Variants in FAM13A observed in about 807,000 individuals in gnomAD.
The protein encoded by FAM13A is family with sequence similarity 13 member A.
FAM13A carries 76 observed loss-of-function variants against 129.6 expected under a neutral mutation model. The ratio of observed to expected loss-of-function variants is 0.59; its 90% CI spans 0.49 to 0.71. The LOEUF (loss-of-function observed/expected upper bound fraction) is 0.71. Ranked by LOEUF, FAM13A falls within the 30% of genes least tolerant of loss-of-function variation. The probability of loss-of-function intolerance (pLI) is 0.00; values close to 1 mark genes in which losing one functional copy is unlikely to be tolerated. For missense variants in FAM13A, 1,108 were observed against 1,249.3 expected, an observed-to-expected ratio of 0.89 and a Z score of 1.70; for synonymous variants, 443 against 449.9, an observed-to-expected ratio of 0.98 and a Z score of 0.20.
chr4:88,774,217 G>A (rs774691445), intron 11 of FAM13A, among the ~76,000 whole-genome samples: 2 of 152,058 alleles, frequency 1.3e-5, no homozygotes, highest in African/African-American at 4.8e-5. Context: ...CTACGATATC[G>A]ATCCTTTACC....
chr4:88,922,582 G>GC (rs1751315459), intron 5 of FAM13A, among the ~76,000 whole-genome samples: 1 of 152,016 alleles, frequency 6.6e-6, no homozygotes, highest in Non-Finnish European at 1.5e-5. Context: ...AGCACTAAAT[G>GC]CCCATAAGAG....
chr4:88,939,593 G>T (rs115878948), intron 4 of FAM13A, among the ~76,000 whole-genome samples: 2 of 152,122 alleles, frequency 1.3e-5, no homozygotes, highest in Non-Finnish European at 1.5e-5. Context: ...CTTGGGATAC[G>T]CACCCTAAGG....
chr4:88,992,276 T>C (rs1378131676), intron 3 of FAM13A, among the ~76,000 whole-genome samples: 2 of 149,536 alleles, frequency 1.3e-5, no homozygotes, highest in Non-Finnish European at 3.0e-5. Flanking sequence ...TCTTCTTCTT[T>C]TTTTTTTTTT....
At chr4:89,045,255 T>C (rs557814471) in intron 1 of FAM13A, among the ~76,000 whole-genome samples, 3 of 152,196 alleles carry the variant, frequency 2.0e-5, no homozygotes, top group Admixed American at 6.5e-5. Flanking sequence ...ATTTCAGAAG[T>C]GAAGACTGAA....
chr4:88,740,158 T>C (rs906385299), intron 19 of FAM13A, among the ~76,000 whole-genome samples: 2 of 152,224 alleles, frequency 1.3e-5, no homozygotes, highest in Non-Finnish European at 2.9e-5. Flanking sequence ...CTTTGCTCTT[T>C]TGTTTGGCAA....
intron 2 of FAM13A, 137 bp downstream of exon 2, chr4:89,029,323 A>G: frequency 1.4e-6 from 1 of 720,382 alleles, no homozygotes. Flanking sequence ...TGAAAAGTAT[A>G]TTACACAATA....
chr4:88,843,038 A>G (rs1736079781), intron 7 of FAM13A, among the ~76,000 whole-genome samples: 1 of 152,230 alleles, frequency 6.6e-6, no homozygotes, highest in Non-Finnish European at 1.5e-5. Flanking sequence ...AGTTTATCTA[A>G]GGCCTTGGGA....
chr4:88,828,584 T>C (rs1733399634), intron 7 of FAM13A, among the ~76,000 whole-genome samples: 1 of 152,240 alleles, frequency 6.6e-6, no homozygotes, highest in African/African-American at 2.4e-5. Context: ...CAACAGGAAC[T>C]GTATCTTTCC....
rs142747909 is a variant in FAM13A at position 88,860,946 on chromosome 4, T to C, written c.844-9763A>G. On this transcript the variant is annotated intron_variant, in intron 6 of 23. Coordinates refer to ENST00000264344, the MANE Select transcript of FAM13A (RefSeq NM_014883.4). ...TGAACTAAAGCCATTTCTGTTGTCATATATATAGGTGAACACTTTATTTTA... is the reference window on the plus strand; with the variant it reads ...TGAACTAAAGCCATTTCTGTTGTCACATATATAGGTGAACACTTTATTTTA... 3.4e-4 allele frequency among the ~76,000 whole-genome samples: 52 copies of C among 152,352 alleles called. No homozygotes were observed. In the East Asian group the frequency reaches 3.5e-3, roughly 10 times the overall value.
chr4:88,797,316 T>C (rs1369437233), intron 8 of FAM13A, among the ~76,000 whole-genome samples: 1 of 151,394 alleles, frequency 6.6e-6, no homozygotes, highest in African/African-American at 2.4e-5. Context: ...TCACCCAGGC[T>C]GGAGGGAGTA....
At chr4:88,846,901 C>G (rs1447712221) in intron 7 of FAM13A, among the ~76,000 whole-genome samples, 1 of 152,042 alleles carries the variant, frequency 6.6e-6, no homozygotes, top group Non-Finnish European at 1.5e-5. Context: ...TGGCAAGTAA[C>G]TGCAAATGAA....
chr4:88,726,367 A>ATAAC lies in FAM13A; in HGVS notation c.*2162_*2165dup, dbSNP rs1472796274. 1 of 142,638 alleles carries ATAAC rather than the reference A, an allele frequency of 7.0e-6. No individual in the cohort carries two copies. Among genetic ancestry groups the ATAAC allele is most frequent in the East Asian group, 1.9e-4 (1 of 5,186 alleles). The allele number at this position is 142,638 out of a possible 1,614,324, so 8.8% of individuals were successfully genotyped here. A position where few individuals can be genotyped will look rare whatever the true frequency, so the allele number is the denominator to read the frequency against. On this transcript the variant is annotated 3_prime_UTR_variant, in exon 24 of 24. Coordinates refer to ENST00000264344, the MANE Select transcript of FAM13A (RefSeq NM_014883.4). ...ACATCTCATACACAATTTATTTTAT[A>ATAAC]TAACTTACTTGGTGTTTTCTTTTAT... is the stretch of plus-strand genomic sequence containing the variant.
chr4:88,999,914 T>G (rs1207940239), intron 3 of FAM13A, among the ~76,000 whole-genome samples: 2 of 152,242 alleles, frequency 1.3e-5, no homozygotes, highest in African/African-American at 2.4e-5. Context: ...TTATGTAGAT[T>G]GATTTTCTGT....
intron 5 of FAM13A, among the ~76,000 whole-genome samples, chr4:88,918,604 T>G (rs903253222): frequency 6.6e-6 from 1 of 152,238 alleles, no homozygotes; most frequent in Non-Finnish European, 1.5e-5. Flanking sequence ...AAGCAGGGAA[T>G]CGTAACAAAT....
intron 10 of FAM13A, 89 bp downstream of exon 10, chr4:88,787,664 G>T: frequency 1.7e-6 from 2 of 1,201,532 alleles, no homozygotes; most frequent in South Asian, 1.5e-5. Context: ...GGACCAGGAG[G>T]TATGACTATA....
At chr4:88,844,060 C>T (rs1000342867) in intron 7 of FAM13A, among the ~76,000 whole-genome samples, 2 of 152,184 alleles carry the variant, frequency 1.3e-5, no homozygotes, top group Non-Finnish European at 2.9e-5. Context: ...GGTCAGTGTT[C>T]TCATCTGACG....
chr4:88,743,219 C>T (rs952078749), intron 19 of FAM13A, among the ~76,000 whole-genome samples: 1 of 152,172 alleles, frequency 6.6e-6, no homozygotes, highest in African/African-American at 2.4e-5. Context: ...ACAAAGGGAA[C>T]ACTAGCCAAT....
At chr4:88,850,083 C>G (rs1437798165) in intron 7 of FAM13A, among the ~76,000 whole-genome samples, 1 of 152,036 alleles carries the variant, frequency 6.6e-6, no homozygotes, top group Non-Finnish European at 1.5e-5. Context: ...AATTATTTCT[C>G]TGTTTAATGT....
At chr4:88,740,988 C>A (rs949687069) in intron 19 of FAM13A, among the ~76,000 whole-genome samples, 3 of 152,214 alleles carry the variant, frequency 2.0e-5, no homozygotes, top group African/African-American at 7.2e-5. Context: ...TCACCCGCTA[C>A]ACACCTACCA....
Sources: allele counts gnomAD v4.1 joint callset (sites outside exome capture counted in the v4.1 genomes callset), GRCh38; gene constraint gnomAD v4.1.1; transcripts MANE v1.5; gene names NCBI Gene and HGNC (gene_info 2026-07-23, HGNC 2026-07-21).